Variants in RGS6 observed in about 807,000 individuals in gnomAD.
RGS6 encodes the protein regulator of G protein signaling 6, also known as regulator of G-protein signaling 6.
A neutral mutation model predicts 78.5 loss-of-function variants in RGS6; 30 were observed. The ratio of observed to expected loss-of-function variants is 0.38; its 90% confidence interval spans 0.29 to 0.52. The LOEUF is 0.52. Ranked by LOEUF, RGS6 falls within the 20% of genes least tolerant of loss-of-function variation. The probability of loss-of-function intolerance (pLI) is 0.85; values close to 1 mark genes in which losing one functional copy is unlikely to be tolerated. For missense variants in RGS6, 495 were observed against 609.7 expected (o/e 0.81, Z 1.98); for synonymous variants, 206 against 206.0 (o/e 1.00, Z 0.00).
chr14:72,561,227 G>A (rs772498956), intron 17 of RGS6, among the ~76,000 whole-genome samples: 7 of 152,104 alleles, frequency 4.6e-5, no homozygotes, highest in Admixed American at 2.0e-4. Context: ...TAAACAAGAC[G>A]AGCCCTCACA....
chr14:72,459,624 C>T lies in RGS6; in HGVS notation c.343-8C>T, dbSNP rs1322085860. The stretch of plus-strand genomic sequence containing the variant: ...CCCCTGAGCACTAACACCCATGCTC[C>T]TTTGCAGGCTCCGTACTTCTGGCCT... On this transcript the variant is annotated splice_region_variant and splice_polypyrimidine_tract_variant and intron_variant, in intron 5 of 17. Coordinates refer to ENST00000553525, the MANE Select transcript of RGS6 (RefSeq NM_001204424.2). 6.2e-7 allele frequency: 1 copy of T among 1,613,982 alleles called. No homozygotes were observed. Among genetic ancestry groups the T allele is most frequent in the East Asian group, 2.2e-5 (1 of 44,868 alleles).
chr14:72,369,571 GATTC>G (rs901195961), intron 3 of RGS6, among the ~76,000 whole-genome samples: 48 of 152,182 alleles, frequency 3.2e-4, no homozygotes, highest in African/African-American at 8.4e-4. Context: ...GAAAAATTGT[GATTC>G]ATTAACTGAA....
At chr14:72,291,519 G>C (rs2063570655) in intron 2 of RGS6, among the ~76,000 whole-genome samples, 1 of 152,112 alleles carries the variant, frequency 6.6e-6, no homozygotes, top group Non-Finnish European at 1.5e-5. Context: ...AACTCTTCAA[G>C]GGCTTGATCT....
chr14:72,026,453 C>G (rs2153302020), intron 2 of RGS6, among the ~76,000 whole-genome samples: 1 of 152,160 alleles, frequency 6.6e-6, no homozygotes, highest in South Asian at 2.1e-4. Flanking sequence ...AAAATCTGTT[C>G]ATTTGGTCAA....
At chr14:72,356,709 A>C (rs1303867538) in intron 3 of RGS6, among the ~76,000 whole-genome samples, 1 of 152,006 alleles carries the variant, frequency 6.6e-6, no homozygotes, top group Non-Finnish European at 1.5e-5. Flanking sequence ...ATGGTGAGTG[A>C]GTTCTAATGA....
intron 2 of RGS6, among the ~76,000 whole-genome samples, chr14:72,294,394 C>A (rs2152349198): frequency 6.6e-6 from 1 of 152,174 alleles, no homozygotes; most frequent in Non-Finnish European, 1.5e-5. Context: ...TAAGAGGAAC[C>A]CCAAAGAAGG....
chr14:72,420,400 G>C (rs2094110145), intron 3 of RGS6, among the ~76,000 whole-genome samples: 1 of 152,122 alleles, frequency 6.6e-6, no homozygotes, highest in Middle Eastern at 3.2e-3. Context: ...AGGAATCTAG[G>C]CCTCTAATCC....
intron 3 of RGS6, among the ~76,000 whole-genome samples, chr14:72,439,212 C>T (rs2095078014): frequency 6.6e-6 from 1 of 152,194 alleles, no homozygotes; most frequent in African/African-American, 2.4e-5. Flanking sequence ...ACAGAGTAAG[C>T]TTAGAGAGGT....
At chr14:72,566,692 TCTCA>T (rs150251794), downstream of RGS6, among the ~76,000 whole-genome samples, 15,819 of 142,624 alleles carry the variant, frequency 0.11, 1,011 homozygotes, top group Middle Eastern at 0.19. Flanking sequence ...CCTGTTTCCT[TCTCA>T]CTCCCAACCA....
chr14:72,381,206 A>G (rs545245624), intron 3 of RGS6, among the ~76,000 whole-genome samples: 1 of 152,178 alleles, frequency 6.6e-6, no homozygotes, highest in East Asian at 1.9e-4. Context: ...ATACAAAATT[A>G]CAGATAGAAG....
intron 2 of RGS6, among the ~76,000 whole-genome samples, chr14:72,235,461 A>G (rs775430908): frequency 6.6e-6 from 1 of 152,208 alleles, no homozygotes. Flanking sequence ...ACTTTAATGA[A>G]CAATTTGTCC....
At chr14:72,273,260 A>G (rs1567634689) in intron 2 of RGS6, among the ~76,000 whole-genome samples, 1 of 152,196 alleles carries the variant, frequency 6.6e-6, no homozygotes, top group East Asian at 1.9e-4. Flanking sequence ...TGGGTAAGAA[A>G]CTTGAGCCTA....
intron 2 of RGS6, among the ~76,000 whole-genome samples, chr14:72,127,410 C>T (rs1567262197): frequency 6.6e-6 from 1 of 152,134 alleles, no homozygotes; most frequent in Non-Finnish European, 1.5e-5. Flanking sequence ...AGACTGAATA[C>T]ATTTTAATAT....
At chr14:71,949,232 C>T (rs2091996673) in intron 1 of RGS6, among the ~76,000 whole-genome samples, 1 of 152,120 alleles carries the variant, frequency 6.6e-6, no homozygotes, top group Admixed American at 6.5e-5. Flanking sequence ...CAGCTTTATT[C>T]GATCCTTACA....
chr14:72,102,059 G>A (rs892840246), intron 2 of RGS6, among the ~76,000 whole-genome samples: 2 of 152,118 alleles, frequency 1.3e-5, no homozygotes, highest in East Asian at 3.9e-4. Context: ...ATTTCCTTCC[G>A]TTGGGATTTG....
At chr14:72,338,581 G>T (rs1768752374) in intron 2 of RGS6, among the ~76,000 whole-genome samples, 1 of 152,230 alleles carries the variant, frequency 6.6e-6, no homozygotes, top group Non-Finnish European at 1.5e-5. Flanking sequence ...TGCAGAGTTG[G>T]TTAATGAAAT....
At chr14:71,996,406 C>T (rs998008203) in intron 2 of RGS6, among the ~76,000 whole-genome samples, 1 of 152,092 alleles carries the variant, frequency 6.6e-6, no homozygotes, top group Non-Finnish European at 1.5e-5. Context: ...AGGTAAGACA[C>T]AGTCCTGCCT....
At chr14:72,002,939 G>A (rs753860747) in intron 2 of RGS6, among the ~76,000 whole-genome samples, 25 of 152,036 alleles carry the variant, frequency 1.6e-4, no homozygotes, top group African/African-American at 3.6e-4. Flanking sequence ...CAATATCTTC[G>A]CTCTCAGTAG....
At chr14:71,906,481 G>A in the RGS6 span, among the ~76,000 whole-genome samples, 1 of 152,110 alleles carries the variant, frequency 6.6e-6, no homozygotes, top group African/African-American at 2.4e-5. Context: ...CCTTTGCCTA[G>A]GAGGGCCCGT....
Sources: allele counts gnomAD v4.1 joint callset (sites outside exome capture counted in the v4.1 genomes callset), GRCh38; gene constraint gnomAD v4.1.1; transcripts MANE v1.5; gene names NCBI Gene and HGNC (gene_info 2026-07-23, HGNC 2026-07-21).